EYS: variants seen among roughly 807,000 people sequenced by gnomAD.
The protein encoded by EYS is EGF-like photoreceptor maintenance factor.
EYS carries 250 observed loss-of-function variants against 282.1 expected under a neutral mutation model. The observed-to-expected ratio is 0.89, with a 90% CI of 0.80 to 0.98. EYS has a LOEUF of 0.98. Among genes scored for constraint, EYS ranks in the 50% least tolerant of loss-of-function variants. The pLI is 0.00. For synonymous variants in EYS, 1,355 were observed against 1,282.9 expected, an observed-to-expected ratio of 1.06 and a Z score of -1.20; for missense variants, 4,016 against 3,709.0, an observed-to-expected ratio of 1.08 and a Z score of -2.15.
chr6:65,115,900 T>C (rs1010536989), intron 12 of EYS, among the ~76,000 whole-genome samples: 5 of 152,236 alleles, frequency 3.3e-5, no homozygotes, highest in Non-Finnish European at 5.9e-5. Context: ...AACATTATAC[T>C]TCATAACACT....
rs2149832524 is a variant in EYS at position 64,591,856 on chromosome 6, G to A, written c.4011C>T (p.His1337=). 6.4e-7 allele frequency: 1 copy of A among 1,551,266 alleles called. No homozygotes were observed. Among genetic ancestry groups the A allele is most frequent in the Non-Finnish European group, 8.7e-7 (1 of 1,146,678 alleles). The change falls in exon 26 of 43, where the codon CAC becomes CAT. Residue 1337 remains histidine, a synonymous_variant. Transcript: ENST00000503581. ...LIVTRELSAK[H]SLLSSADVSS... is the part of the protein sequence containing the mutation. ...AAACATCTGCGGAAGAAAGAAGACTGTGTTTTGCTGAAAGCTCTCTAGTGA... is the reference window on the plus strand; with the variant it reads ...AAACATCTGCGGAAGAAAGAAGACTATGTTTTGCTGAAAGCTCTCTAGTGA...
intron 31 of EYS, among the ~76,000 whole-genome samples, chr6:64,165,056 C>T (rs116260643): frequency 1.4e-3 from 219 of 152,106 alleles, no homozygotes; most frequent in Non-Finnish European, 2.8e-3. Context: ...GTAAAAATGA[C>T]GAATGGGTTT....
Position 65,145,262 on chromosome 6 carries a change from A to T in EYS, c.2024-87535T>A, listed in dbSNP as rs1223089015. Reference sequence around the variant, plus strand: ...AAAAAACACAAAATCGAAGAATATTATGAATTTTTTCAACATATATTGTTA... The same window carrying T: ...AAAAAACACAAAATCGAAGAATATTTTGAATTTTTTCAACATATATTGTTA... On this transcript the variant is annotated intron_variant, in intron 12 of 42. Transcript: ENST00000503581. Among the ~76,000 whole-genome samples, 69 of 150,908 alleles carry T rather than the reference A, an allele frequency of 4.6e-4. 1 individual carries two copies. Among genetic ancestry groups the T allele is most frequent in the Non-Finnish European group, 7.4e-5 (5 of 67,826 alleles).
chr6:64,117,214 C>T (rs1043978320), intron 31 of EYS, among the ~76,000 whole-genome samples: 4 of 151,814 alleles, frequency 2.6e-5, no homozygotes, highest in African/African-American at 9.7e-5. Flanking sequence ...TTTCTGATCA[C>T]AGTGTTATAA....
chr6:64,806,907 T>G (rs1328170312), intron 22 of EYS, among the ~76,000 whole-genome samples: 1 of 152,124 alleles, frequency 6.6e-6, no homozygotes. Flanking sequence ...ATTTCCTAAA[T>G]TCTGTGTAAT....
intron 34 of EYS, 119 bp downstream of exon 34, chr6:63,998,956 G>A (rs1204234857): frequency 1.5e-6 from 1 of 645,756 alleles, no homozygotes; most frequent in African/African-American, 1.8e-5. Flanking sequence ...TTTGTTGAGA[G>A]TTTTTACAAG....
chr6:64,274,135 G>T (rs944288118), intron 30 of EYS, among the ~76,000 whole-genome samples: 3 of 152,072 alleles, frequency 2.0e-5, no homozygotes, highest in East Asian at 1.9e-4. Context: ...AGGTCTATAC[G>T]CTATGGCCCT....
At chr6:65,032,685 T>A (rs1043195882) in intron 13 of EYS, among the ~76,000 whole-genome samples, 2 of 152,136 alleles carry the variant, frequency 1.3e-5, no homozygotes, top group Non-Finnish European at 2.9e-5. Context: ...CTCTTTTTTT[T>A]TTTAAATAAA....
intron 33 of EYS, among the ~76,000 whole-genome samples, chr6:64,007,185 G>A (rs1404781031): frequency 1.3e-5 from 2 of 152,038 alleles, no homozygotes; most frequent in Non-Finnish European, 1.5e-5. Flanking sequence ...CACATTATTG[G>A]TCTGTTCAAG....
At chr6:63,779,916 G>A (rs914777588) in intron 39 of EYS, among the ~76,000 whole-genome samples, 6 of 152,018 alleles carry the variant, frequency 3.9e-5, no homozygotes, top group African/African-American at 1.2e-4. Flanking sequence ...CCCCATGACA[G>A]GCCCCAGTGT....
rs926270614 is a variant in EYS, at chr6:64,273,370, G to A, written c.6191+33600C>T. ...CATTTTTCCTTTAACGTCATTGTTG[G>A]TTAAAGTAATCATCTGCAATCTAAT... On this transcript the variant is annotated intron_variant, in intron 30 of 42. Coordinates refer to ENST00000503581, the MANE Select transcript of EYS (RefSeq NM_001142800.2). Among the ~76,000 whole-genome samples, 14 of 152,024 alleles carry A rather than the reference G, an allele frequency of 9.2e-5. No homozygotes were observed. The East Asian group carries it at 1.4e-3, about 15-fold the overall frequency.
At chr6:64,947,261 A>G (rs1231733767) in intron 14 of EYS, among the ~76,000 whole-genome samples, 1 of 151,960 alleles carries the variant, frequency 6.6e-6, no homozygotes, top group African/African-American at 2.4e-5. Context: ...ACATTTGGAC[A>G]GCAAATTTTT....
intron 31 of EYS, among the ~76,000 whole-genome samples, chr6:64,153,376 T>C (rs1012583300): frequency 1.3e-5 from 2 of 152,062 alleles, no homozygotes; most frequent in Admixed American, 6.6e-5. Context: ...GAACTATATG[T>C]ATTTAAGGAA....
chr6:65,549,132 TG>T (rs1473540556), intron 2 of EYS, among the ~76,000 whole-genome samples: 1 of 152,172 alleles, frequency 6.6e-6, no homozygotes, highest in Admixed American at 6.5e-5. Context: ...CCGTGAGGCC[TG>T]GTTCCTAAAT....
intron 23 of EYS, among the ~76,000 whole-genome samples, chr6:64,620,083 A>G (rs1291364322): frequency 6.6e-6 from 1 of 152,188 alleles, no homozygotes; most frequent in Non-Finnish European, 1.5e-5. Flanking sequence ...CACTCTAGTT[A>G]TTTAAGCAAA....
At chr6:64,097,215 A>C (rs962040882) in intron 31 of EYS, among the ~76,000 whole-genome samples, 1 of 152,164 alleles carries the variant, frequency 6.6e-6, no homozygotes, top group Non-Finnish European at 1.5e-5. Flanking sequence ...CCACTTGAGG[A>C]GGCAGTCTGT....
intron 30 of EYS, among the ~76,000 whole-genome samples, chr6:64,239,915 T>G (rs111536118): frequency 0.011 from 1,717 of 152,350 alleles, 31 homozygotes; most frequent in African/African-American, 0.038. Context: ...TTAATCCATC[T>G]TAACTTAATT....
At chr6:63,778,281 AAAGT>A (rs1770118263) in intron 39 of EYS, 101 bp from the exon 40 acceptor site, 1 of 1,184,550 alleles carries the variant, frequency 8.4e-7, no homozygotes, top group African/African-American at 1.5e-5. Context: ...TTTTCAAAAT[AAAGT>A]AATACATGTA....
intron 8 of EYS, among the ~76,000 whole-genome samples, chr6:65,364,204 T>C (rs765611429): frequency 6.6e-6 from 1 of 150,990 alleles, no homozygotes; most frequent in Non-Finnish European, 1.5e-5. Context: ...TAGGGTAATA[T>C]GATTTTTCTC....
Sources: gnomAD v4.1 joint callset for allele counts (sites outside exome capture counted in the v4.1 genomes callset) on GRCh38, gnomAD v4.1.1 for gene constraint, MANE v1.5 for transcripts, NCBI Gene and HGNC (gene_info 2026-07-23, HGNC 2026-07-21) for gene names.